The following SLC35F3 variants were observed in gnomAD, a reference collection of about 807,000 sequenced individuals.
SLC35F3 encodes the protein solute carrier family 35 member F3, also known as putative thiamine transporter SLC35F3.
Under a neutral mutation model 49.9 loss-of-function variants are expected in SLC35F3, and 25 were observed. The observed-to-expected ratio is 0.50, with a 90% CI of 0.37 to 0.70. The LOEUF is 0.70. SLC35F3 is among the 30% of genes least tolerant of loss of function. The pLI is 0.00. For synonymous variants in SLC35F3, 275 were observed against 265.4 expected (o/e 1.04, Z -0.35); for missense variants, 525 against 639.8 (o/e 0.82, Z 1.94).
chr1:234,104,330 C>G (rs1208946675), intron 2 of SLC35F3, among the ~76,000 whole-genome samples: 1 of 151,992 alleles, frequency 6.6e-6, no homozygotes, highest in Non-Finnish European at 1.5e-5. Flanking sequence ...GATTTGGTTG[C>G]TCTTGAATAT....
At chr1:234,206,491 T>A (rs1188714269) in intron 2 of SLC35F3, among the ~76,000 whole-genome samples, 3 of 110,788 alleles carry the variant, frequency 2.7e-5, no homozygotes, top group Non-Finnish European at 5.2e-5. Context: ...CAAGGGACGC[T>A]ATTTCCCGGG....
rs750041121 is a variant in SLC35F3, at chr1:233,907,953, T to G, written c.283+2195T>G. On this transcript the variant is annotated intron_variant, in intron 2 of 7. Transcript: ENST00000366618. ...GTTGGCCAGGCTGGTCTTGAACTCCTGACCTCAGGTTATCCACCCACCTTG... is the reference window on the plus strand; with the variant it reads ...GTTGGCCAGGCTGGTCTTGAACTCCGGACCTCAGGTTATCCACCCACCTTG... Among the ~76,000 whole-genome samples, 106 of 152,226 alleles carry G rather than the reference T, an allele frequency of 7.0e-4. 4 individuals are homozygous for G. The highest frequency in any genetic ancestry group is 1.5e-4 in the Non-Finnish European group (10 of 68,030).
intron 2 of SLC35F3, among the ~76,000 whole-genome samples, chr1:233,991,021 T>G (rs533684749): frequency 1.1e-4 from 17 of 152,322 alleles, no homozygotes; most frequent in African/African-American, 3.6e-4. Context: ...CCAAGGCCCC[T>G]CTTTTATTAA....
intron 2 of SLC35F3, among the ~76,000 whole-genome samples, chr1:234,083,405 A>G (rs9435558): frequency 0.99 from 151,212 of 152,310 alleles, 75,063 homozygotes; most frequent in East Asian, 1. Context: ...TTGTTTTCTG[A>G]CACACATTGC....
chr1:234,322,946 A>G, intron 7 of SLC35F3, 62 bp from the exon 8 acceptor site: 1 of 1,444,710 alleles, frequency 6.9e-7, no homozygotes, highest in South Asian at 1.2e-5. Flanking sequence ...GGCCCTGCCC[A>G]CTCTCCAGGG....
At chr1:233,966,401 C>T (rs1175467031) in intron 2 of SLC35F3, among the ~76,000 whole-genome samples, 1 of 152,072 alleles carries the variant, frequency 6.6e-6, no homozygotes, top group African/African-American at 2.4e-5. Flanking sequence ...CCCAGTGAGG[C>T]CCCATCTGGA....
intron 2 of SLC35F3, among the ~76,000 whole-genome samples, chr1:233,906,138 C>T (rs994004062): frequency 2.6e-5 from 4 of 152,244 alleles, no homozygotes; most frequent in Non-Finnish European, 5.9e-5. Flanking sequence ...GGTCAGGTCT[C>T]ACCAGGCTCA....
intron 2 of SLC35F3, among the ~76,000 whole-genome samples, chr1:233,966,116 GT>G (rs1166575523): frequency 6.6e-6 from 1 of 152,138 alleles, no homozygotes; most frequent in Non-Finnish European, 1.5e-5. Flanking sequence ...TGGTCTTCCA[GT>G]AAGTTATTTA....
chr1:234,164,961 A>G lies in SLC35F3; in HGVS notation c.284-66456A>G, dbSNP rs1166121306. Among the ~76,000 whole-genome samples, 3 of 151,922 alleles carry G rather than the reference A, an allele frequency of 2.0e-5. No homozygotes were observed. The East Asian group carries it at 5.8e-4, about 29-fold the overall frequency. On this transcript the variant is annotated intron_variant, in intron 2 of 7. Transcript: ENST00000366618. ...CTCTACCATAAATGACTGTAGTACC[A>G]ACATGCTATAGTTGGGACTGCTTTG...
chr1:234,224,224 G>A (rs536533761), intron 2 of SLC35F3, among the ~76,000 whole-genome samples: 4 of 152,106 alleles, frequency 2.6e-5, no homozygotes, highest in Admixed American at 6.5e-5. Context: ...ACCACCATGC[G>A]CAGCTAATTT....
At chr1:234,227,276 T>C (rs1425776903) in intron 2 of SLC35F3, among the ~76,000 whole-genome samples, 4 of 151,892 alleles carry the variant, frequency 2.6e-5, no homozygotes, top group Admixed American at 1.3e-4. Flanking sequence ...AGAGTGAAGG[T>C]GAGGGTGACA....
chr1:234,191,271 A>G (rs991311139), intron 2 of SLC35F3, among the ~76,000 whole-genome samples: 1 of 152,216 alleles, frequency 6.6e-6, no homozygotes, highest in African/African-American at 2.4e-5. Context: ...GTGGAATAAA[A>G]CTGGAAATTA....
Position 233,931,497 on chromosome 1 carries a change from A to G in SLC35F3, c.283+25739A>G, listed in dbSNP as rs556745839. On this transcript the variant is annotated intron_variant, in intron 2 of 7. Coordinates refer to ENST00000366618, the MANE Select transcript of SLC35F3 (RefSeq NM_173508.4). ...AAAAGTGGGCAAAGGTTATGAACCGACGCTTCTCAAAAGAAGACATTTATG... is the reference window on the plus strand; with the variant it reads ...AAAAGTGGGCAAAGGTTATGAACCGGCGCTTCTCAAAAGAAGACATTTATG... Among the ~76,000 whole-genome samples, 10 of 152,368 alleles carry G rather than the reference A, an allele frequency of 6.6e-5. No individual in the cohort carries two copies. In the South Asian group the frequency reaches 1.7e-3, roughly 25 times the overall value.
chr1:234,117,244 G>A (rs1383329820), intron 2 of SLC35F3, among the ~76,000 whole-genome samples: 1 of 152,092 alleles, frequency 6.6e-6, no homozygotes, highest in African/African-American at 2.4e-5. Context: ...ATATTCAGAT[G>A]TTGACCCCAA....
intron 2 of SLC35F3, among the ~76,000 whole-genome samples, chr1:233,908,909 G>A (rs1231538132): frequency 3.9e-5 from 6 of 151,928 alleles, no homozygotes; most frequent in African/African-American, 1.2e-4. Context: ...AGGCTAGAGT[G>A]CAGTGGCACA....
At chr1:234,257,981 C>T (rs1429566519) in intron 3 of SLC35F3, among the ~76,000 whole-genome samples, 1 of 152,198 alleles carries the variant, frequency 6.6e-6, no homozygotes, top group East Asian at 1.9e-4. Context: ...GTTTTGTAAT[C>T]ACCTGACAGT....
intron 2 of SLC35F3, among the ~76,000 whole-genome samples, chr1:234,002,939 G>T (rs1254060841): frequency 6.6e-6 from 1 of 152,062 alleles, no homozygotes; most frequent in Admixed American, 6.6e-5. Flanking sequence ...GTGCCTACTA[G>T]CCACTCTTTC....
chr1:234,220,568 T>C (rs1288826850), intron 2 of SLC35F3, among the ~76,000 whole-genome samples: 1 of 152,120 alleles, frequency 6.6e-6, no homozygotes, highest in Non-Finnish European at 1.5e-5. Context: ...CACTGTGCAA[T>C]GAGGACTTGG....
At chr1:234,099,489 AGTCC>A (rs1481969682) in intron 2 of SLC35F3, among the ~76,000 whole-genome samples, 1 of 152,010 alleles carries the variant, frequency 6.6e-6, no homozygotes, top group Non-Finnish European at 1.5e-5. Flanking sequence ...GGGAGCCTGC[AGTCC>A]CAGCTACTCA....
Sources: allele counts gnomAD v4.1 joint callset (sites outside exome capture counted in the v4.1 genomes callset), GRCh38; gene constraint gnomAD v4.1.1; transcripts MANE v1.5; gene names NCBI Gene and HGNC (gene_info 2026-07-23, HGNC 2026-07-21).